OTOF: variants seen among roughly 807,000 people sequenced by gnomAD.
OTOF encodes otoferlin, also known as fer-1-like family member 2.
A neutral mutation model predicts 236.8 loss-of-function variants in OTOF; 218 were observed. The ratio of observed to expected loss-of-function variants is 0.92; its 90% CI spans 0.82 to 1.03. OTOF has a LOEUF of 1.03. Ranked by LOEUF, OTOF falls within the 50% of genes least tolerant of loss-of-function variation. The pLI is 0.00. For synonymous variants in OTOF, 1,041 were observed against 1,072.5 expected, an observed-to-expected ratio of 0.97 and a Z score of 0.57; for missense variants, 2,590 against 2,694.4, an observed-to-expected ratio of 0.96 and a Z score of 0.86.
At chr2:26,476,768 G>A in intron 22 of OTOF, 123 bp downstream of exon 22, 1 of 648,616 alleles carries the variant, frequency 1.5e-6, no homozygotes, top group Non-Finnish European at 2.7e-6. Context: ...CCCATTCTTG[G>A]CTCTTCTCTG....
chr2:26,535,161 GGT>G (rs1667039940), intron 2 of OTOF, among the ~76,000 whole-genome samples: 1 of 152,176 alleles, frequency 6.6e-6, no homozygotes, highest in Admixed American at 6.5e-5. Flanking sequence ...GGAGGCAGGG[GGT>G]GTGGAGAGAC....
In OTOF at chr2:26,480,231, G is replaced by A. The variant is rs1363815003; in HGVS notation, c.1884C>T (p.Asp628=). 6 of 1,612,236 alleles carry A rather than the reference G, an allele frequency of 3.7e-6. No homozygotes were observed. Among genetic ancestry groups the A allele is most frequent in the East Asian group, 2.2e-5 (1 of 44,896 alleles). ...EASMIDRRNG[D]KPITFEVTIG... ...TGGTGACCTCAAAGGTGATGGGCTT[G>A]TCTCCGTTTCTCCGGTCGATCATTG... The change falls in exon 16 of 47, where the codon GAC becomes GAT. Residue 628 remains aspartate, a synonymous_variant. Coordinates refer to ENST00000272371, the MANE Select transcript of OTOF (RefSeq NM_194248.3).
At chr2:26,482,218 T>C (rs1665557360) in intron 14 of OTOF, among the ~76,000 whole-genome samples, 188 bp downstream of exon 14, 1 of 152,152 alleles carries the variant, frequency 6.6e-6, no homozygotes, top group Non-Finnish European at 1.5e-5. Flanking sequence ...AGGCCAGCTC[T>C]GAGCCGACCT....
rs150315443 is a variant in OTOF at position 26,516,711 on chromosome 2, G to A, written c.328-112C>T. ...AGCGCTTCCACACCCTTGCCTCACT[G>A]GAGGAGGTCAGGATGGTATGATCCC... On this transcript the variant is annotated intron_variant, in intron 4 of 46. Transcript: ENST00000272371. The A allele has an allele frequency of 5.1e-5, 58 of 1,129,858 alleles. No homozygotes were observed. The East Asian group carries it at 1.2e-3, about 24-fold the overall frequency. 70.0% of individuals were successfully genotyped at this position (1,129,858 alleles called of 1,614,324 possible). A position where few individuals can be genotyped will look rare whatever the true frequency, so the allele number is the denominator to read the frequency against.
rs79545071 is a variant in OTOF, at chr2:26,534,503, T to A, written c.138+3213A>T. Among the ~76,000 whole-genome samples the A allele has an allele frequency of 7.3e-3, 1,111 of 152,284 alleles. 7 individuals are homozygous for A. Among genetic ancestry groups the A allele is most frequent in the Middle Eastern group, 0.051 (15 of 294 alleles). ...ATTGTTGTAGAGAGCATTGTCTTTC[T>A]TCCATGGCATCCTCCTCCCCACTCA... On this transcript the variant is annotated intron_variant, in intron 2 of 46. Coordinates refer to ENST00000272371, the MANE Select transcript of OTOF (RefSeq NM_194248.3).
At position 26,502,443 on chromosome 2, in the gene OTOF, A is replaced by T. The variant is rs1195925282; in HGVS notation, c.584-17T>A. Reference sequence around the variant, plus strand: ...CCGGTTCATCTGGGGAAGATGAAAGACTGGTTAGGTGGGCTGACTGATGGT... The same window carrying T: ...CCGGTTCATCTGGGGAAGATGAAAGTCTGGTTAGGTGGGCTGACTGATGGT... On this transcript the variant is annotated splice_polypyrimidine_tract_variant and intron_variant, in intron 6 of 46. Transcript: ENST00000272371. 1 of 1,610,642 alleles carries T rather than the reference A, an allele frequency of 6.2e-7. No homozygotes were observed. The highest frequency in any genetic ancestry group is 1.7e-5 in the Admixed American group (1 of 59,760).
In OTOF at chr2:26,468,455, G is replaced by A; in HGVS notation, c.4043C>T (p.Pro1348Leu). 6.2e-7 allele frequency: 1 copy of A among 1,614,066 alleles called. No individual in the cohort carries two copies. The highest frequency in any genetic ancestry group is 8.5e-7 in the Non-Finnish European group (1 of 1,179,962). Reference sequence around the variant, plus strand: ...CTTCTCCTCCAAGTCAATTCCAGAGGGCTCTTGTTGTCGAAGTTGCTGCCA... The same window carrying A: ...CTTCTCCTCCAAGTCAATTCCAGAGAGCTCTTGTTGTCGAAGTTGCTGCCA... ...TMKEQLRQQE[P>L]SGIDLEEKEE... The change falls in exon 33 of 47, where the codon CCC becomes CTC. Residue 1348 changes from proline to leucine, a missense_variant. Physicochemically the swap from Pro to Leu is moderately conservative, Grantham distance 98. Transcript: ENST00000272371.
chr2:26,530,472 G>A lies in OTOF; in HGVS notation c.139-2552C>T, dbSNP rs373545568. ...CTGGGCAGTCCATGCCTATGTCAGCGGGGAATGTTCTTCTTGGAGGCTTTC... is the reference window on the plus strand; with the variant it reads ...CTGGGCAGTCCATGCCTATGTCAGCAGGGAATGTTCTTCTTGGAGGCTTTC... On this transcript the variant is annotated intron_variant, in intron 2 of 46. Coordinates refer to ENST00000272371, the MANE Select transcript of OTOF (RefSeq NM_194248.3). 1.2e-4 allele frequency among the ~76,000 whole-genome samples: 19 copies of A among 152,232 alleles called. No individual in the cohort carries two copies. The South Asian group carries it at 1.9e-3, about 15-fold the overall frequency.
chr2:26,476,223 T>C lies in OTOF; in HGVS notation c.2771A>G (p.Glu924Gly), dbSNP rs1471175454. The part of the protein sequence containing the change: ...LWLGLSKQRK[E>G]FLCGLPCGFQ... Reference sequence around the variant, plus strand: ...GCCACAGGGCAGGCCGCACAGGAACTCCTTGCGCTGTTTGCTGAGGCCCAG... The same window carrying C: ...GCCACAGGGCAGGCCGCACAGGAACCCCTTGCGCTGTTTGCTGAGGCCCAG... Residue 924 changes from glutamate to glycine, a missense_variant, in exon 23 of 47, where the codon GAG (glutamate) becomes GGG (glycine). Physicochemically the swap from Glu to Gly is moderately conservative, Grantham distance 98. Around this residue, in one of 2 missense-constraint regions of OTOF, gnomAD observed 1,379 missense variants for 1,341.6 expected, o/e 1.03. Transcript: ENST00000272371. 4.4e-6 allele frequency: 7 copies of C among 1,609,190 alleles called. No homozygotes were observed. The African/African-American group carries it at 5.3e-5, about 12-fold the overall frequency.
In OTOF at chr2:26,457,916, C is replaced by G. The variant is rs923262990; in HGVS notation, c.*322G>C. 5 of 1,011,794 alleles carry G rather than the reference C, an allele frequency of 4.9e-6. No homozygotes were observed. Among genetic ancestry groups the G allele is most frequent in the African/African-American group, 1.6e-5 (1 of 62,478 alleles). The allele number at this position is 1,011,794 out of a possible 1,614,324, so 62.7% of individuals were successfully genotyped here. A position where few individuals can be genotyped will look rare whatever the true frequency, so the allele number is the denominator to read the frequency against. ...GGCCCCCGCAAGCAGGAGGCAGGCT[C>G]GGCCCAAGGCATGAAGAGTGGACGC... On this transcript the variant is annotated 3_prime_UTR_variant, in exon 47 of 47. Transcript: ENST00000272371. The surrounding 1 kb of genome is among the most constrained non-coding windows in gnomAD (Gnocchi z 4.4).
intron 46 of OTOF, among the ~76,000 whole-genome samples, chr2:26,459,716 C>A (rs542189088): frequency 1.3e-5 from 2 of 152,332 alleles, no homozygotes; most frequent in African/African-American, 4.8e-5. Context: ...TACTTCACCT[C>A]TTTGGCTTAA....
intron 18 of OTOF, 28 bp downstream of exon 18, chr2:26,479,236 C>A (rs775142809): frequency 1.2e-6 from 2 of 1,611,400 alleles, no homozygotes; most frequent in Non-Finnish European, 1.7e-6. Flanking sequence ...AGGACCCCAC[C>A]CCTGCTGGCC....
At chr2:26,493,887 C>G (rs13405047) in intron 9 of OTOF, among the ~76,000 whole-genome samples, 1 of 152,172 alleles carries the variant, frequency 6.6e-6, no homozygotes, top group Non-Finnish European at 1.5e-5. Flanking sequence ...GTTGTGACTG[C>G]CCCAGGGGTG....
chr2:26,546,850 A>G (rs990994391), intron 1 of OTOF, among the ~76,000 whole-genome samples: 5 of 151,340 alleles, frequency 3.3e-5, no homozygotes, highest in Non-Finnish European at 5.9e-5. Flanking sequence ...TGTATTAATC[A>G]TATATCCTGA....
Position 26,462,003 on chromosome 2 carries a change from T to A in OTOF, c.5292-66A>T. The stretch of plus-strand genomic sequence containing the variant: ...GGGCCTCTCCCACCCACAGCCACCT[T>A]CCCTCTGCCTCCTCTCCTGCCCCCC... On this transcript the variant is annotated intron_variant, in intron 42 of 46. Coordinates refer to ENST00000272371, the MANE Select transcript of OTOF (RefSeq NM_194248.3). The surrounding 1 kb of genome is among the most constrained non-coding windows in gnomAD (Gnocchi z 4.7). The A allele has an allele frequency of 6.2e-7, 1 of 1,612,780 alleles. No individual in the cohort carries two copies. The highest frequency in any genetic ancestry group is 1.1e-5 in the South Asian group (1 of 91,024).
rs1411780984 is a variant in OTOF, at chr2:26,462,225, G to GT, written c.5193-45dup. 1 of 1,549,988 alleles carries GT rather than the reference G, an allele frequency of 6.5e-7. No individual in the cohort carries two copies. Among genetic ancestry groups the GT allele is most frequent in the South Asian group, 1.1e-5 (1 of 89,780 alleles). Reference sequence around the variant, plus strand: ...GGCTGGTTAGCAGCCCCAGGTGGGGGTTATGCCAGGGTGCCAGGGCTGGGA... The same window carrying GT: ...GGCTGGTTAGCAGCCCCAGGTGGGGGTTTATGCCAGGGTGCCAGGGCTGGGA... On this transcript the variant is annotated intron_variant, in intron 41 of 46. Coordinates refer to ENST00000272371, the MANE Select transcript of OTOF (RefSeq NM_194248.3). This position sits in a 1 kb window ranked among gnomAD's most constrained non-coding sequence, Gnocchi z 4.7.
Position 26,516,443 on chromosome 2 carries a change from G to C in OTOF, c.484C>G (p.Pro162Ala). 2 of 1,613,874 alleles carry C rather than the reference G, an allele frequency of 1.2e-6. No homozygotes were observed. The highest frequency in any genetic ancestry group is 1.7e-6 in the Non-Finnish European group (2 of 1,179,906). ...CTCCGGAAGCTCTTCTCTCCTGGGG[G>C]CCGGGAGCTGGGCCGGGAGCCTGGG... ...LLPGSRPSSR[P>A]PGEKSFRRAG... The change falls in exon 5 of 47, where the codon CCC (proline) becomes GCC (alanine). Residue 162 changes from proline to alanine, a missense_variant. Coordinates refer to ENST00000272371, the MANE Select transcript of OTOF (RefSeq NM_194248.3).
chr2:26,516,494 CCTT>C lies in OTOF; in HGVS notation c.430_432del (p.Lys144del). The C allele has an allele frequency of 6.2e-7, 1 of 1,613,846 alleles. No individual in the cohort carries two copies. The highest frequency in any genetic ancestry group is 1.6e-4 in the Middle Eastern group (1 of 6,062). ...AGCAGTCCATCCGTCTCTTGGCTGT[CCTT>C]CTCTTCCTCTTGAAGAGACTCATCT... On this transcript the variant is annotated inframe_deletion, in exon 5 of 47. Transcript: ENST00000272371.
Position 26,479,214 on chromosome 2 carries a change from G to A in OTOF, c.2214+50C>T, listed in dbSNP as rs61323419. 0.056 allele frequency: 88,983 copies of A among 1,603,188 alleles called. 5,210 individuals are homozygous for A. The highest frequency in any genetic ancestry group is 0.3 in the African/African-American group (22,527 of 74,828). On this transcript the variant is annotated intron_variant, in intron 18 of 46. Transcript: ENST00000272371. ...GTTCCAGGGAAGGCCCTCTGACAGC[G>A]CCGTCTCCCCCAGGACCCCACCCCT... is the stretch of plus-strand genomic sequence containing the variant.
Sources: gnomAD v4.1 joint callset for allele counts (sites outside exome capture counted in the v4.1 genomes callset) on GRCh38, gnomAD v4.1.1 for gene constraint, gnomAD v4.1.1 regional missense constraint, Gnocchi (gnomAD v3.1) non-coding constraint, MANE v1.5 for transcripts, NCBI Gene and HGNC (gene_info 2026-07-23, HGNC 2026-07-21) for gene names.